NOP58: variants seen among roughly 807,000 people sequenced by gnomAD.
NOP58 encodes the protein NOP58 ribonucleoprotein.
NOP58 carries 44 observed loss-of-function variants against 71.2 expected under a neutral mutation model. That is an observed-to-expected ratio of 0.62 (90% confidence interval 0.49 to 0.79). The LOEUF (loss-of-function observed/expected upper bound fraction) is 0.79, where lower values mean the gene tolerates loss of function less well. Ranked by LOEUF, NOP58 falls within the 30% of genes least tolerant of loss-of-function variation. The pLI, the probability that NOP58 is intolerant of heterozygous loss-of-function variation, is 0.00. For missense variants in NOP58, 538 were observed against 620.2 expected, an observed-to-expected ratio of 0.87 and a Z score of 1.41; for synonymous variants, 228 against 200.3, an observed-to-expected ratio of 1.14 and a Z score of -1.17.
intron 2 of NOP58, among the ~76,000 whole-genome samples, chr2:202,277,169 C>G (rs1688613576): frequency 6.6e-6 from 1 of 152,084 alleles, no homozygotes; most frequent in African/African-American, 2.4e-5. Flanking sequence ...TGCCTGTAGT[C>G]CCAGCTACTT....
At position 202,291,535 on chromosome 2, in the gene NOP58, G is replaced by A. The variant is rs765196580; in HGVS notation, c.780+265G>A. ...TAAGATGGCAGAGAAGGCCAGGCGC[G>A]TTGGCTCACGCCTGTAATCCCCGCA... On this transcript the variant is annotated intron_variant, in intron 8 of 14. Coordinates refer to ENST00000264279, the MANE Select transcript of NOP58 (RefSeq NM_015934.5). The A allele has an allele frequency of 4.1e-5, 10 of 241,774 alleles. No homozygotes were observed. In the South Asian group the frequency reaches 4.5e-4, roughly 11 times the overall value. 15.0% of individuals were successfully genotyped at this position (241,774 alleles called of 1,614,324 possible). A position where few individuals can be genotyped will look rare whatever the true frequency, so the allele number is the denominator to read the frequency against.
intron 2 of NOP58, among the ~76,000 whole-genome samples, chr2:202,277,232 G>T (rs1470465982): frequency 6.6e-6 from 1 of 151,960 alleles, no homozygotes; most frequent in Non-Finnish European, 1.5e-5. Context: ...ATGAACCTGG[G>T]AGGTGGAGTT....
intron 1 of NOP58, among the ~76,000 whole-genome samples, chr2:202,269,841 G>T (rs922810493): frequency 6.6e-6 from 1 of 152,238 alleles, no homozygotes; most frequent in African/African-American, 2.4e-5. Flanking sequence ...ACTTCCTTCA[G>T]CTGCTCTTCC....
rs1689116155 is a variant in NOP58, at chr2:202,302,810, AT to A, written c.1403-109del. The A allele has an allele frequency of 7.8e-6, 11 of 1,402,150 alleles. No individual in the cohort carries two copies. In the South Asian group the frequency reaches 1.7e-4, roughly 21 times the overall value. The allele number at this position is 1,402,150 out of a possible 1,614,324, so 86.9% of individuals were successfully genotyped here. A position where few individuals can be genotyped will look rare whatever the true frequency, so the allele number is the denominator to read the frequency against. On this transcript the variant is annotated intron_variant, in intron 13 of 14. Coordinates refer to ENST00000264279, the MANE Select transcript of NOP58 (RefSeq NM_015934.5). ...CAATTATAAAATAAACAAAACAAAC[AT>A]TGGGTAGTTGATGAGAATGACAGAA... is the stretch of plus-strand genomic sequence containing the variant.
chr2:202,299,340 A>G (rs954936392), intron 12 of NOP58, among the ~76,000 whole-genome samples: 1 of 152,192 alleles, frequency 6.6e-6, no homozygotes, highest in Non-Finnish European at 1.5e-5. Flanking sequence ...TTATAAATAC[A>G]TATTTAAGTA....
At chr2:202,271,011 G>A (rs1688503990) in intron 1 of NOP58, among the ~76,000 whole-genome samples, 2 of 151,950 alleles carry the variant, frequency 1.3e-5, no homozygotes, top group Non-Finnish European at 2.9e-5. Context: ...TTGAACCAGG[G>A]AGGTGGAGGT....
At position 202,297,885 on chromosome 2, in the gene NOP58, CAG is replaced by C. The variant is rs768783326; in HGVS notation, c.1249_1250del (p.Glu417LysfsTer3). ...GGAACAGGAAAAGCATTAGCAAAAA[CAG>C]AAAAATATGAACACAAAAGGTGAGT... On this transcript the variant is annotated frameshift_variant, in exon 12 of 15. Coordinates refer to ENST00000264279, the MANE Select transcript of NOP58 (RefSeq NM_015934.5). LOFTEE classifies it high-confidence loss of function. 15 of 1,584,508 alleles carry C rather than the reference CAG, an allele frequency of 9.5e-6. No homozygotes were observed. The highest frequency in any genetic ancestry group is 2.3e-5 in the East Asian group (1 of 44,292).
At position 202,283,165 on chromosome 2, in the gene NOP58, A is replaced by G. The variant is rs867626125; in HGVS notation, c.297+693A>G. Among the ~76,000 whole-genome samples, 6 of 152,192 alleles carry G rather than the reference A, an allele frequency of 3.9e-5. No homozygotes were observed. The East Asian group carries it at 5.8e-4, about 15-fold the overall frequency. On this transcript the variant is annotated intron_variant, in intron 4 of 14. Coordinates refer to ENST00000264279, the MANE Select transcript of NOP58 (RefSeq NM_015934.5). Reference sequence around the variant, plus strand: ...AGACTTGACCTCCTGTTCTCAAGCAATCCTCCCTCTTCAGTAGCTGGGACT... The same window carrying G: ...AGACTTGACCTCCTGTTCTCAAGCAGTCCTCCCTCTTCAGTAGCTGGGACT...
At chr2:202,303,244 TA>T (rs1689123087) in intron 14 of NOP58, 141 bp from the exon 15 acceptor site, 1 of 1,385,302 alleles carries the variant, frequency 7.2e-7, no homozygotes, top group Non-Finnish European at 9.8e-7. Context: ...AATTTATTAC[TA>T]AAAATCAAGT....
At chr2:202,286,227 G>T (rs1017833293) in intron 5 of NOP58, among the ~76,000 whole-genome samples, 2 of 145,856 alleles carry the variant, frequency 1.4e-5, no homozygotes, top group South Asian at 2.2e-4. Flanking sequence ...TAGGCCAGGC[G>T]CAGTGGCTCA....
Position 202,287,727 on chromosome 2 carries a change from A to G in NOP58, c.499+3A>G, listed in dbSNP as rs766251904. 1 of 1,604,188 alleles carries G rather than the reference A, an allele frequency of 6.2e-7. No homozygotes were observed. Among genetic ancestry groups the G allele is most frequent in the East Asian group, 2.2e-5 (1 of 44,822 alleles). On this transcript the variant is annotated splice_donor_region_variant and intron_variant, in intron 6 of 14. Transcript: ENST00000264279. Reference sequence around the variant, plus strand: ...CACAATGATTGTTCAGGCAATTTGTAAGTATAGTACATGCAAAGTCCGATT... The same window carrying G: ...CACAATGATTGTTCAGGCAATTTGTGAGTATAGTACATGCAAAGTCCGATT...
chr2:202,302,066 CTTTTTCTTTTTTTTTTCTTTTTT>C, intron 13 of NOP58, among the ~76,000 whole-genome samples: 1 of 126,224 alleles, frequency 7.9e-6, no homozygotes, highest in Middle Eastern at 3.9e-3. Flanking sequence ...TCTCTCTTTT[CTTTTTCTTTTTTTTTTCTTTTTT>C]TTTTTTTTTT....
intron 8 of NOP58, among the ~76,000 whole-genome samples, chr2:202,291,968 CTTTTTTTTTTTTTTTT>C (rs869075798): frequency 1.7e-3 from 75 of 43,958 alleles, no homozygotes; most frequent in East Asian, 5.8e-3. Flanking sequence ...TGCTCAGAAT[CTTTTTTTTTTTTTTTT>C]TTTTTTTTTT....
At chr2:202,295,906 T>G in intron 10 of NOP58, 69 bp downstream of exon 10, 1 of 1,158,674 alleles carries the variant, frequency 8.6e-7, no homozygotes, top group Non-Finnish European at 1.2e-6. Flanking sequence ...ATTTTTCTTC[T>G]ACTCTGTAGT....
chr2:202,277,446 C>G (rs1574378649), intron 2 of NOP58, among the ~76,000 whole-genome samples: 1 of 151,760 alleles, frequency 6.6e-6, no homozygotes, highest in African/African-American at 2.4e-5. Context: ...CCACTGCACT[C>G]CAGCGTGGGT....
chr2:202,295,580 T>C, intron 9 of NOP58, 94 bp from the exon 10 acceptor site: 1 of 831,704 alleles, frequency 1.2e-6, no homozygotes, highest in Non-Finnish European at 1.8e-6. Flanking sequence ...TTATTTATTA[T>C]GGTGGCTGTA....
At chr2:202,302,846 G>A in intron 13 of NOP58, 75 bp from the exon 14 acceptor site, 1 of 1,504,504 alleles carries the variant, frequency 6.6e-7, no homozygotes, top group South Asian at 1.4e-5. Flanking sequence ...AAAAAACTAG[G>A]ACTCAAACGT....
chr2:202,274,301 C>T (rs548487840), intron 1 of NOP58, among the ~76,000 whole-genome samples: 1 of 152,006 alleles, frequency 6.6e-6, no homozygotes, highest in Non-Finnish European at 1.5e-5. Flanking sequence ...AATCTCGGCT[C>T]ACTGCAACCT....
chr2:202,287,810 C>A, intron 6 of NOP58, 86 bp downstream of exon 6: 1 of 1,101,368 alleles, frequency 9.1e-7, no homozygotes. Context: ...ATGATTCTGT[C>A]TGTTGAGAAA....
Sources: allele counts gnomAD v4.1 joint callset (sites outside exome capture counted in the v4.1 genomes callset), GRCh38; gene constraint gnomAD v4.1.1; transcripts MANE v1.5; gene names NCBI Gene and HGNC (gene_info 2026-07-23, HGNC 2026-07-21).